TRHDE: variants seen among roughly 807,000 people sequenced by gnomAD.
TRHDE encodes the protein thyrotropin releasing hormone degrading enzyme.
In TRHDE, 72 loss-of-function variants were observed where a neutral mutation model predicts 125.7. The observed-to-expected ratio is 0.57, with a 90% CI of 0.47 to 0.70. The LOEUF (loss-of-function observed/expected upper bound fraction) is 0.70. Among genes scored for constraint, TRHDE ranks in the 30% least tolerant of loss-of-function variants. The probability of loss-of-function intolerance (pLI) is 0.00; values close to 1 mark genes in which losing one functional copy is unlikely to be tolerated. For synonymous variants in TRHDE, 509 were observed against 509.1 expected (o/e 1.00, Z 0.00); for missense variants, 1,110 against 1,327.1 (o/e 0.84, Z 2.54).
At position 72,571,390 on chromosome 12, in the gene TRHDE, A is replaced by G. The variant is rs1319815986; in HGVS notation, c.2131+2734A>G. 2.6e-5 allele frequency among the ~76,000 whole-genome samples: 4 copies of G among 152,182 alleles called. No homozygotes were observed. The East Asian group carries it at 5.8e-4, about 22-fold the overall frequency. ...CCTTAGTGATGCAGATTTTATCTAC[A>G]TGATATTAAGGCAGTCAGTGGTGGA... On this transcript the variant is annotated intron_variant, in intron 10 of 18. Transcript: ENST00000261180.
At chr12:72,363,963 G>T (rs373489851) in intron 2 of TRHDE, among the ~76,000 whole-genome samples, 4 of 151,810 alleles carry the variant, frequency 2.6e-5, no homozygotes, top group Non-Finnish European at 5.9e-5. Context: ...CACAAGCATT[G>T]TTATACACCA....
intron 6 of TRHDE, among the ~76,000 whole-genome samples, chr12:72,537,461 C>A (rs1868923889): frequency 6.6e-6 from 1 of 152,028 alleles, no homozygotes; most frequent in Non-Finnish European, 1.5e-5. Flanking sequence ...TGCGTGCTCA[C>A]ACTCACAAGA....
intron 2 of TRHDE, among the ~76,000 whole-genome samples, chr12:72,157,411 C>T (rs1467558329): frequency 1.3e-5 from 2 of 152,058 alleles, no homozygotes; most frequent in African/African-American, 2.4e-5. Context: ...AGCAAATGTT[C>T]GAAGTACAAG....
At chr12:72,368,455 T>G (rs889020040) in intron 2 of TRHDE, among the ~76,000 whole-genome samples, 1 of 152,182 alleles carries the variant, frequency 6.6e-6, no homozygotes, top group Non-Finnish European at 1.5e-5. Context: ...TTTGAGTAAT[T>G]GCTCATCTTT....
At chr12:72,167,636 G>T (rs1876781245) in intron 2 of TRHDE, 1 of 152,154 alleles carries the variant, frequency 6.6e-6, no homozygotes, top group African/African-American at 2.4e-5. Context: ...GCCTACTGAA[G>T]ACTCATTTAT....
chr12:72,669,177 G>A lies in TRHDE; in HGVS notation c.*5982G>A, dbSNP rs900696743. 2.0e-5 allele frequency: 3 copies of A among 151,578 alleles called. No individual in the cohort carries two copies. Among genetic ancestry groups the A allele is most frequent in the Admixed American group, 6.6e-5 (1 of 15,164 alleles). The allele number at this position is 151,578 out of a possible 1,614,324, so 9.4% of individuals were successfully genotyped here. On this transcript the variant is annotated 3_prime_UTR_variant, in exon 19 of 19. Coordinates refer to ENST00000261180, the MANE Select transcript of TRHDE (RefSeq NM_013381.3). ...ACAGAATAAATTGCAAAGGTTTTAC[G>A]AGTGGACCACAAAGTTAAGGTTAAA...
intron 2 of TRHDE, among the ~76,000 whole-genome samples, chr12:72,314,440 T>C (rs1868703346): frequency 6.6e-6 from 1 of 151,072 alleles, no homozygotes. Flanking sequence ...TTAAATAAAC[T>C]GAGAATGAAC....
chr12:72,634,812 C>G (rs1022425229), intron 15 of TRHDE, among the ~76,000 whole-genome samples: 2 of 151,492 alleles, frequency 1.3e-5, no homozygotes, highest in African/African-American at 4.9e-5. Flanking sequence ...TCATCCATGT[C>G]CCTACAAAGG....
At chr12:72,260,444 G>T (rs1878922713) in intron 2 of TRHDE, among the ~76,000 whole-genome samples, 1 of 152,130 alleles carries the variant, frequency 6.6e-6, no homozygotes, top group Admixed American at 6.5e-5. Flanking sequence ...GTAGGGTCTT[G>T]ACTGTGGGAC....
At chr12:72,103,999 T>C (rs1417846209) in intron 1 of TRHDE, among the ~76,000 whole-genome samples, 1 of 152,066 alleles carries the variant, frequency 6.6e-6, no homozygotes, top group African/African-American at 2.4e-5. Flanking sequence ...AGGTGGTAAT[T>C]CTCTGTGACT....
In TRHDE at chr12:72,198,813, A is replaced by G. The variant is rs139091870; in HGVS notation, n.279+93061A>G. ...AAAGATACAACCTGAGACTGGGCAA[A>G]TTATAAACAAAGCAGGTTTAATTGA... is the stretch of plus-strand genomic sequence containing the variant. On this transcript the variant is annotated intron_variant and non_coding_transcript_variant, in intron 2 of 4. Transcript: ENST00000548156. 7.1e-4 allele frequency among the ~76,000 whole-genome samples: 108 copies of G among 152,246 alleles called. No individual in the cohort carries two copies. The East Asian group carries it at 0.013, about 19-fold the overall frequency.
At chr12:72,462,442 C>G (rs1035161343) in intron 3 of TRHDE, among the ~76,000 whole-genome samples, 2 of 152,144 alleles carry the variant, frequency 1.3e-5, no homozygotes, top group African/African-American at 4.8e-5. Context: ...AGCTGTTGAA[C>G]CTAAGGCCCT....
At chr12:72,510,735 T>C (rs1878549075) in intron 6 of TRHDE, among the ~76,000 whole-genome samples, 1 of 152,066 alleles carries the variant, frequency 6.6e-6, no homozygotes, top group South Asian at 2.1e-4. Context: ...ATCTGAGAAG[T>C]ATAAGCACTG....
At chr12:72,658,659 A>T (rs1028811590) in intron 18 of TRHDE, among the ~76,000 whole-genome samples, 1 of 152,180 alleles carries the variant, frequency 6.6e-6, no homozygotes, top group Admixed American at 6.5e-5. Context: ...CTGATTTATT[A>T]AATTTTTACA....
intron 3 of TRHDE, among the ~76,000 whole-genome samples, chr12:72,421,008 G>A (rs561412890): frequency 6.7e-5 from 10 of 150,040 alleles, no homozygotes; most frequent in African/African-American, 2.0e-4. Context: ...TTGCTTTGTC[G>A]CCCAGGCTGG....
intron 2 of TRHDE, among the ~76,000 whole-genome samples, chr12:72,180,012 A>G (rs2139340803): frequency 6.6e-6 from 1 of 151,938 alleles, no homozygotes; most frequent in Non-Finnish European, 1.5e-5. Context: ...ATAAATAATT[A>G]CTATTAATAA....
intron 2 of TRHDE, chr12:72,306,818 G>A (rs957468190): frequency 6.6e-6 from 1 of 152,002 alleles, no homozygotes; most frequent in Non-Finnish European, 1.5e-5. Context: ...AGTGAAGTGG[G>A]GTAAAGGAAT....
chr12:72,408,119 A>G (rs888772247), intron 3 of TRHDE, among the ~76,000 whole-genome samples: 12 of 152,154 alleles, frequency 7.9e-5, no homozygotes, highest in African/African-American at 2.9e-4. Flanking sequence ...GCTAGAAAAA[A>G]CTTGCTTTTA....
At chr12:72,257,135 T>C (rs1878836879) in intron 2 of TRHDE, 1 of 152,124 alleles carries the variant, frequency 6.6e-6, no homozygotes, top group Non-Finnish European at 1.5e-5. Context: ...GGAGTGATTA[T>C]GAGGAGAAAA....
Sources: allele counts gnomAD v4.1 joint callset (sites outside exome capture counted in the v4.1 genomes callset), GRCh38; gene constraint gnomAD v4.1.1; transcripts MANE v1.5; gene names NCBI Gene and HGNC (gene_info 2026-07-23, HGNC 2026-07-21).